PEX3: variants seen among roughly 807,000 people sequenced by gnomAD.
The protein encoded by PEX3 is peroxin-3.
Under a neutral mutation model 55.8 loss-of-function variants are expected in PEX3, and 30 were observed. That is an observed-to-expected ratio of 0.54 (90% confidence interval 0.40 to 0.73). The LOEUF is 0.73. PEX3 is among the 30% of genes least tolerant of loss of function. The pLI, the probability that PEX3 is intolerant of heterozygous loss-of-function variation, is 0.00. For missense variants in PEX3, 351 were observed against 432.8 expected (o/e 0.81, Z 1.68); for synonymous variants, 135 against 148.4 (o/e 0.91, Z 0.66).
At chr6:143,455,171 ATTTTCTTTTCTTTTCTTTTCTTTTC>A (rs58331398) in intron 1 of PEX3, among the ~76,000 whole-genome samples, 1 of 143,858 alleles carries the variant, frequency 7.0e-6, no homozygotes, top group Admixed American at 6.9e-5. Context: ...ATTTGGGGGT[ATTTTCTTTTCTTTTCTTTTCTTTTC>A]TTTTCTTTTC....
Position 143,471,389 on chromosome 6 carries a change from C to T in PEX3, c.463C>T (p.Leu155Phe). The T allele has an allele frequency of 6.2e-7, 1 of 1,601,216 alleles. No individual in the cohort carries two copies. Among genetic ancestry groups the T allele is most frequent in the African/African-American group, 1.3e-5 (1 of 74,784 alleles). Residue 155 changes from leucine (L) to phenylalanine (F), a missense_variant, in exon 6 of 12, where the codon CTT becomes TTT. Transcript: ENST00000367591. This position sits in a 1 kb window ranked among gnomAD's most constrained non-coding sequence, Gnocchi z 5.4. ...AAVGKNGTTILAPPDVQQQYL... is the reference protein window; with the variant it reads ...AAVGKNGTTIFAPPDVQQQYL... ...GTATTTCTGTTTTATACAGACAATT[C>T]TTGCTCCCCCAGATGTCCAACAGCA...
intron 7 of PEX3, 115 bp from the exon 8 acceptor site, chr6:143,472,045 T>TA (rs1780082231): frequency 2.7e-6 from 2 of 751,700 alleles, no homozygotes; most frequent in Admixed American, 4.1e-5. Flanking sequence ...AGTCAGCAGT[T>TA]ACAGGTGTAA....
chr6:143,460,951 G>A (rs1245174880), intron 2 of PEX3, among the ~76,000 whole-genome samples: 1 of 152,014 alleles, frequency 6.6e-6, no homozygotes, highest in Non-Finnish European at 1.5e-5. Context: ...GTCAGTTTGG[G>A]TCCCCTGGGA....
Position 143,490,373 on chromosome 6 carries a change from T to C in PEX3, c.*1147T>C, listed in dbSNP as rs1258394264. On this transcript the variant is annotated 3_prime_UTR_variant, in exon 12 of 12. Transcript: ENST00000367591. The surrounding 1 kb of genome is among the most constrained non-coding windows in gnomAD (Gnocchi z 6.0). ...ACAGTAGAAGGTAGAAAATAAATTA[T>C]GACATCTCTTCTAAGGCCTGGCTAG... The C allele has an allele frequency of 6.2e-6, 1 of 162,000 alleles. No individual in the cohort carries two copies. Among genetic ancestry groups the C allele is most frequent in the Non-Finnish European group, 1.3e-5 (1 of 75,034 alleles). 10.0% of individuals were successfully genotyped at this position (162,000 alleles called of 1,614,324 possible).
chr6:143,469,418 G>A (rs1309527276), intron 4 of PEX3, among the ~76,000 whole-genome samples: 3 of 152,216 alleles, frequency 2.0e-5, no homozygotes, highest in Admixed American at 2.0e-4. Context: ...GCGTTTCTCT[G>A]ATGGGCAGTG....
rs932752357 is a variant in PEX3, at chr6:143,454,891, A to C, written c.73+3776A>C. ...AGAAGTGGCAAAAGATTAACTTGGA[A>C]AAGTAGCTAGAGTACAGATTGTGAA... On this transcript the variant is annotated intron_variant, in intron 1 of 11. Transcript: ENST00000367591. This position sits in a 1 kb window ranked among gnomAD's most constrained non-coding sequence, Gnocchi z 4.3. Among the ~76,000 whole-genome samples the C allele has an allele frequency of 2.0e-5, 3 of 152,258 alleles. No individual in the cohort carries two copies. The highest frequency in any genetic ancestry group is 4.8e-5 in the African/African-American group (2 of 41,468).
At position 143,451,166 on chromosome 6, in the gene PEX3, G is replaced by A. The variant is rs1367135898; in HGVS notation, c.73+51G>A. ...GGCATTGGGAGAAGGGGGTGGGAGA[G>A]GTGACTTCTTCTAAAATAAGGACAG... On this transcript the variant is annotated intron_variant, in intron 1 of 11. Coordinates refer to ENST00000367591, the MANE Select transcript of PEX3 (RefSeq NM_003630.3). This position sits in a 1 kb window ranked among gnomAD's most constrained non-coding sequence, Gnocchi z 4.1. 3 of 1,272,674 alleles carry A rather than the reference G, an allele frequency of 2.4e-6. No homozygotes were observed. The highest frequency in any genetic ancestry group is 2.9e-5 in the African/African-American group (2 of 68,568). The allele number at this position is 1,272,674 out of a possible 1,614,324, so 78.8% of individuals were successfully genotyped here. A position where few individuals can be genotyped will look rare whatever the true frequency, so the allele number is the denominator to read the frequency against.
chr6:143,473,350 A>G (rs916700937), intron 8 of PEX3, among the ~76,000 whole-genome samples: 2 of 152,216 alleles, frequency 1.3e-5, no homozygotes, highest in African/African-American at 4.8e-5. Context: ...AACAGGAGAC[A>G]ACTTACAAAA....
intron 8 of PEX3, 151 bp downstream of exon 8, chr6:143,472,479 A>G (rs569875609): frequency 1.8e-4 from 116 of 642,738 alleles, no homozygotes; most frequent in South Asian, 1.8e-3. Flanking sequence ...AATTTAGAAA[A>G]ACAGCCATTA....
Position 143,461,775 on chromosome 6 carries a change from C to A in PEX3, c.206-1141C>A, listed in dbSNP as rs533674178. 2.0e-5 allele frequency among the ~76,000 whole-genome samples: 3 copies of A among 152,142 alleles called. No homozygotes were observed. In the South Asian group the frequency reaches 6.2e-4, roughly 32 times the overall value. On this transcript the variant is annotated intron_variant, in intron 2 of 11. Coordinates refer to ENST00000367591, the MANE Select transcript of PEX3 (RefSeq NM_003630.3). Reference sequence around the variant, plus strand: ...AAGCTTGAGCAACATAGTGAGACCTCATCTGTACAAAAAATTTAAAACATT... The same window carrying A: ...AAGCTTGAGCAACATAGTGAGACCTAATCTGTACAAAAAATTTAAAACATT...
chr6:143,471,387 T>C lies in PEX3; in HGVS notation c.461T>C (p.Ile154Thr). The change falls in exon 6 of 12, where the codon ATT (isoleucine) becomes ACT (threonine). Residue 154 changes from isoleucine to threonine, a missense_variant. Physicochemically the swap from Ile to Thr is moderately conservative, Grantham distance 89. Coordinates refer to ENST00000367591, the MANE Select transcript of PEX3 (RefSeq NM_003630.3). The surrounding 1 kb of genome is among the most constrained non-coding windows in gnomAD (Gnocchi z 5.4). ...NAAVGKNGTT[I>T]LAPPDVQQQY... is the part of the protein sequence containing the mutation. ...CTGTATTTCTGTTTTATACAGACAATTCTTGCTCCCCCAGATGTCCAACAG... is the reference window on the plus strand; with the variant it reads ...CTGTATTTCTGTTTTATACAGACAACTCTTGCTCCCCCAGATGTCCAACAG... 2 of 1,600,680 alleles carry C rather than the reference T, an allele frequency of 1.2e-6. No homozygotes were observed. Among genetic ancestry groups the C allele is most frequent in the East Asian group, 2.2e-5 (1 of 44,704 alleles).
chr6:143,471,503 A>T lies in PEX3; in HGVS notation c.523+54A>T. The T allele has an allele frequency of 6.4e-7, 1 of 1,562,828 alleles. No homozygotes were observed. The highest frequency in any genetic ancestry group is 8.8e-7 in the Non-Finnish European group (1 of 1,134,590). ...TAATTTTAATTCATTTATTTTTATT[A>T]TTGAGGAATTTTTAAACTAAGCAAG... is the stretch of plus-strand genomic sequence containing the variant. On this transcript the variant is annotated intron_variant, in intron 6 of 11. Transcript: ENST00000367591. The surrounding 1 kb of genome is among the most constrained non-coding windows in gnomAD (Gnocchi z 5.4).
rs1780150683 is a variant in PEX3, at chr6:143,476,121, T to G, written c.818+1265T>G. 6.6e-6 allele frequency among the ~76,000 whole-genome samples: 1 copy of G among 152,184 alleles called. No individual in the cohort carries two copies. The highest frequency in any genetic ancestry group is 1.5e-5 in the Non-Finnish European group (1 of 68,018). Reference sequence around the variant, plus strand: ...ATAGGTTGGTCAGAAAAGGCCTCTTTGAGGAGATGTCATTTGAGCAGAGAC... The same window carrying G: ...ATAGGTTGGTCAGAAAAGGCCTCTTGGAGGAGATGTCATTTGAGCAGAGAC... On this transcript the variant is annotated intron_variant, in intron 9 of 11. Coordinates refer to ENST00000367591, the MANE Select transcript of PEX3 (RefSeq NM_003630.3). The surrounding 1 kb of genome is among the most constrained non-coding windows in gnomAD (Gnocchi z 5.4).
At position 143,489,037 on chromosome 6, in the gene PEX3, C is replaced by G; in HGVS notation, c.1039-106C>G. The G allele has an allele frequency of 1.3e-6, 1 of 775,194 alleles. No individual in the cohort carries two copies. The highest frequency in any genetic ancestry group is 2.3e-6 in the Non-Finnish European group (1 of 432,326). The allele number at this position is 775,194 out of a possible 1,614,324, so 48.0% of individuals were successfully genotyped here. ...TTTTCTTAAATGGTTTGCCTCTTGG[C>G]CTTTACCACAAAACTTAGAGCTGAA... On this transcript the variant is annotated intron_variant, in intron 11 of 11. Transcript: ENST00000367591. This position sits in a 1 kb window ranked among gnomAD's most constrained non-coding sequence, Gnocchi z 5.5.
Position 143,490,557 on chromosome 6 carries a change from A to C in PEX3, c.*1331A>C. ...ATATGCTAATCTTGGCAAATCTGCCAAGCATGTCTTCACCAAGGGATATGG... is the reference window on the plus strand; with the variant it reads ...ATATGCTAATCTTGGCAAATCTGCCCAGCATGTCTTCACCAAGGGATATGG... On this transcript the variant is annotated 3_prime_UTR_variant, in exon 12 of 12. Transcript: ENST00000367591. The surrounding 1 kb of genome is among the most constrained non-coding windows in gnomAD (Gnocchi z 6.0). 1 of 532,634 alleles carries C rather than the reference A, an allele frequency of 1.9e-6. No individual in the cohort carries two copies. Among genetic ancestry groups the C allele is most frequent in the South Asian group, 2.3e-5 (1 of 43,404 alleles). The allele number at this position is 532,634 out of a possible 1,614,324, so 33.0% of individuals were successfully genotyped here.
Position 143,487,353 on chromosome 6 carries a change from T to C in PEX3, c.1039-1790T>C, listed in dbSNP as rs549470221. Reference sequence around the variant, plus strand: ...AAGCACCAGCTTTTGTAAGTTTTATTGGGTGACAGCATGCCCATTGGTTTA... The same window carrying C: ...AAGCACCAGCTTTTGTAAGTTTTATCGGGTGACAGCATGCCCATTGGTTTA... On this transcript the variant is annotated intron_variant, in intron 11 of 11. Coordinates refer to ENST00000367591, the MANE Select transcript of PEX3 (RefSeq NM_003630.3). This position sits in a 1 kb window ranked among gnomAD's most constrained non-coding sequence, Gnocchi z 5.3. Among the ~76,000 whole-genome samples, 24 of 152,254 alleles carry C rather than the reference T, an allele frequency of 1.6e-4. No homozygotes were observed. The highest frequency in any genetic ancestry group is 5.8e-4 in the African/African-American group (24 of 41,556).
chr6:143,468,054 T>C (rs528748190), intron 3 of PEX3, 68 bp from the exon 4 acceptor site: 202 of 870,098 alleles, frequency 2.3e-4, no homozygotes, highest in Non-Finnish European at 3.4e-4. Context: ...AATAGATCTA[T>C]AAAATTCAGA....
chr6:143,453,174 T>G lies in PEX3; in HGVS notation c.73+2059T>G, dbSNP rs17072619. On this transcript the variant is annotated intron_variant, in intron 1 of 11. Coordinates refer to ENST00000367591, the MANE Select transcript of PEX3 (RefSeq NM_003630.3). This position sits in a 1 kb window ranked among gnomAD's most constrained non-coding sequence, Gnocchi z 4.6. Reference sequence around the variant, plus strand: ...AAGGAAAAGCAAGTATACATGTAATTAAGATACAGAAAAACAAGAGAGGTG... The same window carrying G: ...AAGGAAAAGCAAGTATACATGTAATGAAGATACAGAAAAACAAGAGAGGTG... Among the ~76,000 whole-genome samples the G allele has an allele frequency of 0.018, 2,665 of 152,244 alleles. 105 individuals carry two copies. Among genetic ancestry groups the G allele is most frequent in the Admixed American group, 0.073 (1,115 of 15,294 alleles).
In PEX3 at chr6:143,479,138, A is replaced by G. The variant is rs1780193557; in HGVS notation, c.881A>G (p.Asn294Ser). 1.3e-6 allele frequency: 2 copies of G among 1,598,738 alleles called. No homozygotes were observed. Among genetic ancestry groups the G allele is most frequent in the South Asian group, 1.1e-5 (1 of 90,714 alleles). The change falls in exon 10 of 12, where the codon AAT (asparagine) becomes AGT (serine). Residue 294 changes from asparagine to serine, a missense_variant. Transcript: ENST00000367591. The surrounding 1 kb of genome is among the most constrained non-coding windows in gnomAD (Gnocchi z 4.6). ...LNRGFSRLLD[N>S]MAEFFRPTEQ... is the part of the protein sequence containing the mutation. ...CGAGGTTTTAGTAGACTTCTAGACAATATGGCTGAGTTCTTTCGACCTACT... is the reference window on the plus strand; with the variant it reads ...CGAGGTTTTAGTAGACTTCTAGACAGTATGGCTGAGTTCTTTCGACCTACT...
Sources: allele counts gnomAD v4.1 joint callset (sites outside exome capture counted in the v4.1 genomes callset), GRCh38; gene constraint gnomAD v4.1.1; non-coding constraint Gnocchi (gnomAD v3.1); transcripts MANE v1.5; gene names NCBI Gene and HGNC (gene_info 2026-07-23, HGNC 2026-07-21).